Variants in MAML3 observed in about 807,000 individuals in gnomAD.
The protein encoded by MAML3 is mastermind-like protein 3.
Under a neutral mutation model 101.9 loss-of-function variants are expected in MAML3, and 27 were observed. That is an observed-to-expected ratio of 0.27 (90% CI 0.20 to 0.37). The LOEUF (loss-of-function observed/expected upper bound fraction) is 0.37, where lower values mean the gene tolerates loss of function less well. Ranked by LOEUF, MAML3 falls within the 10% of genes least tolerant of loss-of-function variation. The pLI is 1.00. For synonymous variants in MAML3, 501 were observed against 555.9 expected, an observed-to-expected ratio of 0.90 and a Z score of 1.39; for missense variants, 1,316 against 1,444.9, an observed-to-expected ratio of 0.91 and a Z score of 1.45.
At chr4:140,143,292 GCA>G (rs1729005184) in intron 1 of MAML3, among the ~76,000 whole-genome samples, 1 of 152,328 alleles carries the variant, frequency 6.6e-6, no homozygotes, top group South Asian at 2.1e-4. Context: ...GTTGGCTTGT[GCA>G]CGAGTGAAAT....
At chr4:139,733,557 G>GAA (rs3051189) in intron 2 of MAML3, among the ~76,000 whole-genome samples, 17 of 126,204 alleles carry the variant, frequency 1.3e-4, no homozygotes, top group East Asian at 2.2e-4. Flanking sequence ...AGCACAGTGT[G>GAA]AAAAAAAAAA....
intron 1 of MAML3, among the ~76,000 whole-genome samples, chr4:140,144,837 T>C (rs543152362): frequency 2.6e-4 from 39 of 152,344 alleles, no homozygotes; most frequent in African/African-American, 9.4e-4. Context: ...ATATCCATTC[T>C]AGGTGATGCC....
intron 2 of MAML3, among the ~76,000 whole-genome samples, chr4:139,748,718 CT>C (rs1729401064): frequency 2.0e-5 from 3 of 151,376 alleles, no homozygotes; most frequent in Non-Finnish European, 2.9e-5. Context: ...TTCTTTTTTT[CT>C]TTCAGTCTGA....
At chr4:139,804,906 C>T (rs1041892936) in intron 2 of MAML3, among the ~76,000 whole-genome samples, 40 of 152,114 alleles carry the variant, frequency 2.6e-4, no homozygotes, top group African/African-American at 1.4e-4. Flanking sequence ...ATGCTGGGCG[C>T]GATGGCTCAC....
intron 1 of MAML3, among the ~76,000 whole-genome samples, chr4:139,921,508 G>C (rs190642030): frequency 2.3e-4 from 35 of 152,270 alleles, no homozygotes; most frequent in South Asian, 4.2e-4. Context: ...GGGGGCTGCT[G>C]CTTCCCAAAG....
intron 1 of MAML3, among the ~76,000 whole-genome samples, chr4:140,106,856 T>G (rs1728360823): frequency 6.6e-6 from 1 of 152,192 alleles, no homozygotes; most frequent in South Asian, 2.1e-4. Flanking sequence ...AAGTTAGGTT[T>G]AAGAAGAGTG....
intron 1 of MAML3, among the ~76,000 whole-genome samples, chr4:139,999,812 T>A (rs1027635318): frequency 6.6e-6 from 1 of 152,242 alleles, no homozygotes; most frequent in African/African-American, 2.4e-5. Context: ...ACACAATTGA[T>A]AAATTAAAGA....
At chr4:139,925,317 C>T (rs978370806) in intron 1 of MAML3, among the ~76,000 whole-genome samples, 3 of 152,156 alleles carry the variant, frequency 2.0e-5, no homozygotes, top group African/African-American at 7.2e-5. Context: ...GCAACCTTTG[C>T]CTCCTGGATT....
chr4:139,740,796 T>TGGAG (rs981447227), intron 2 of MAML3: 1 of 152,480 alleles, frequency 6.6e-6, no homozygotes, highest in African/African-American at 2.4e-5. Flanking sequence ...GGGCATGCTG[T>TGGAG]GGAGGGAAGG....
intron 3 of MAML3, among the ~76,000 whole-genome samples, chr4:139,729,816 T>C (rs1242151846): frequency 1.3e-5 from 2 of 152,254 alleles, no homozygotes; most frequent in African/African-American, 2.4e-5. Context: ...TGTGTTAGGC[T>C]TTCCTTTAAC....
chr4:139,948,173 G>A (rs1314731244), intron 1 of MAML3, among the ~76,000 whole-genome samples: 3 of 151,112 alleles, frequency 2.0e-5, no homozygotes, highest in African/African-American at 2.4e-5. Flanking sequence ...AAAGTCAAAC[G>A]TGGAAATATA....
chr4:139,955,644 A>G (rs1221486183), intron 1 of MAML3, among the ~76,000 whole-genome samples: 1 of 152,204 alleles, frequency 6.6e-6, no homozygotes, highest in Non-Finnish European at 1.5e-5. Context: ...CATGCATTAC[A>G]CAGTCTCTTT....
intron 2 of MAML3, among the ~76,000 whole-genome samples, chr4:139,883,887 GTCT>G (rs1732272209): frequency 2.7e-5 from 3 of 111,804 alleles, no homozygotes; most frequent in African/African-American, 9.7e-5. Context: ...ATAATTGCTT[GTCT>G]TTTTTTTTTT....
chr4:140,084,688 G>C (rs954978189), intron 1 of MAML3, among the ~76,000 whole-genome samples: 10 of 151,910 alleles, frequency 6.6e-5, no homozygotes, highest in African/African-American at 1.9e-4. Flanking sequence ...AAAATGAAAC[G>C]ACTCATAAAC....
At chr4:140,145,063 T>C (rs916438917) in intron 1 of MAML3, among the ~76,000 whole-genome samples, 1 of 151,870 alleles carries the variant, frequency 6.6e-6, no homozygotes, top group Non-Finnish European at 1.5e-5. Context: ...GCAACCCAGG[T>C]TGAATCTACA....
intron 1 of MAML3, among the ~76,000 whole-genome samples, chr4:139,921,618 A>G (rs781467021): frequency 4.6e-5 from 7 of 152,092 alleles, no homozygotes; most frequent in Non-Finnish European, 1.0e-4. Context: ...CCCTAGCCAC[A>G]ACACTTCTCT....
At chr4:139,914,647 G>A (rs759336897) in intron 1 of MAML3, among the ~76,000 whole-genome samples, 50 of 152,110 alleles carry the variant, frequency 3.3e-4, no homozygotes, top group Non-Finnish European at 4.1e-4. Flanking sequence ...TACCAAACCC[G>A]ACCACAACAA....
chr4:140,008,983 T>C (rs1293324795), intron 1 of MAML3, among the ~76,000 whole-genome samples: 1 of 152,226 alleles, frequency 6.6e-6, no homozygotes, highest in African/African-American at 2.4e-5. Flanking sequence ...CCTTTGCATA[T>C]CTAAAAGGGT....
intron 2 of MAML3, among the ~76,000 whole-genome samples, chr4:139,803,152 C>A (rs1730639151): frequency 6.6e-6 from 1 of 152,090 alleles, no homozygotes; most frequent in Non-Finnish European, 1.5e-5. Context: ...CACCTGTAGT[C>A]CTATGAGGCG....
Sources: gnomAD v4.1 joint callset for allele counts (sites outside exome capture counted in the v4.1 genomes callset) on GRCh38, gnomAD v4.1.1 for gene constraint, MANE v1.5 for transcripts, NCBI Gene and HGNC (gene_info 2026-07-23, HGNC 2026-07-21) for gene names.